The following ALK variants were observed in gnomAD, a reference collection of about 807,000 sequenced individuals.
ALK encodes ALK tyrosine kinase receptor.
ALK carries 74 observed loss-of-function variants against 163.1 expected under a neutral mutation model. The ratio of observed to expected loss-of-function variants is 0.45; its 90% CI spans 0.38 to 0.55. ALK has a LOEUF of 0.55. ALK is among the 20% of genes least tolerant of loss of function. ALK has a pLI of 0.00. For synonymous variants in ALK, 960 were observed against 843.2 expected (o/e 1.14, Z -2.40); for missense variants, 2,063 against 2,105.3 (o/e 0.98, Z 0.39).
At chr2:29,702,752 A>G (rs1486521831) in intron 2 of ALK, among the ~76,000 whole-genome samples, 1 of 152,242 alleles carries the variant, frequency 6.6e-6, no homozygotes. Flanking sequence ...GCAGCAGGCA[A>G]GAGTGTGTGT....
chr2:29,580,367 G>A (rs1199145234), intron 3 of ALK, among the ~76,000 whole-genome samples: 1 of 152,026 alleles, frequency 6.6e-6, no homozygotes, highest in Admixed American at 6.6e-5. Context: ...CACTCGCTTC[G>A]GTGTCCTCTC....
At chr2:29,550,103 C>T (rs1673676205) in intron 3 of ALK, among the ~76,000 whole-genome samples, 1 of 152,160 alleles carries the variant, frequency 6.6e-6, no homozygotes, top group Non-Finnish European at 1.5e-5. Context: ...AGCAAGTAAA[C>T]TAGTGTATGA....
chr2:29,462,207 G>T (rs902428799), intron 4 of ALK, among the ~76,000 whole-genome samples: 2 of 152,176 alleles, frequency 1.3e-5, no homozygotes, highest in African/African-American at 4.8e-5. Flanking sequence ...TGAAGATATT[G>T]TTAACATTGT....
intron 15 of ALK, among the ~76,000 whole-genome samples, chr2:29,229,438 C>A (rs891266617): frequency 6.6e-6 from 1 of 152,184 alleles, no homozygotes; most frequent in Non-Finnish European, 1.5e-5. Flanking sequence ...CAGCCAAGCC[C>A]CGTAGCACTG....
At chr2:29,583,955 C>T (rs1674798414) in intron 3 of ALK, among the ~76,000 whole-genome samples, 1 of 151,842 alleles carries the variant, frequency 6.6e-6, no homozygotes, top group Admixed American at 6.6e-5. Flanking sequence ...TCCAGCTCTG[C>T]ATCTTGAACA....
intron 1 of ALK, among the ~76,000 whole-genome samples, chr2:29,796,374 G>A (rs1305317981): frequency 6.6e-6 from 1 of 152,072 alleles, no homozygotes; most frequent in East Asian, 1.9e-4. Context: ...GAACTGATAA[G>A]CCAATATTAA....
intron 5 of ALK, among the ~76,000 whole-genome samples, chr2:29,356,304 G>C (rs1404832727): frequency 1.3e-5 from 2 of 151,936 alleles, no homozygotes; most frequent in East Asian, 3.9e-4. Flanking sequence ...CTTCTTTTTT[G>C]CAGATGAGGA....
chr2:29,532,664 A>G (rs1373295750), intron 3 of ALK, among the ~76,000 whole-genome samples: 1 of 152,228 alleles, frequency 6.6e-6, no homozygotes, highest in East Asian at 1.9e-4. Flanking sequence ...TGCCCATGGC[A>G]GAGTTTCCCT....
At chr2:29,471,930 A>T (rs2148111677) in intron 4 of ALK, among the ~76,000 whole-genome samples, 1 of 152,192 alleles carries the variant, frequency 6.6e-6, no homozygotes, top group Non-Finnish European at 1.5e-5. Flanking sequence ...TTTAGTAGAG[A>T]TGGGGTTTTA....
chr2:29,285,636 C>G (rs964331040), intron 9 of ALK, among the ~76,000 whole-genome samples: 6 of 151,196 alleles, frequency 4.0e-5, no homozygotes, highest in Admixed American at 6.6e-5. Flanking sequence ...GATTTCAGCT[C>G]CCTGCAATCT....
chr2:29,332,156 C>T (rs922541138), intron 5 of ALK, among the ~76,000 whole-genome samples: 12 of 151,476 alleles, frequency 7.9e-5, no homozygotes, highest in African/African-American at 2.2e-4. Context: ...TGTGATGGCA[C>T]GTGCCTGTAG....
intron 1 of ALK, among the ~76,000 whole-genome samples, chr2:29,767,131 G>A (rs930687533): frequency 6.6e-6 from 1 of 152,196 alleles, no homozygotes; most frequent in African/African-American, 2.4e-5. Context: ...CAGGCACTGT[G>A]ATCAGGAGTT....
chr2:29,595,395 A>G (rs1675183144), intron 3 of ALK, among the ~76,000 whole-genome samples: 1 of 144,508 alleles, frequency 6.9e-6, no homozygotes, highest in Non-Finnish European at 1.5e-5. Flanking sequence ...ATCTCGGCTC[A>G]CTGCAAGCTC....
At chr2:29,803,829 A>G (rs1664543930) in intron 1 of ALK, among the ~76,000 whole-genome samples, 1 of 152,154 alleles carries the variant, frequency 6.6e-6, no homozygotes, top group African/African-American at 2.4e-5. Flanking sequence ...ATGCCTCATA[A>G]AAGACGCTGT....
intron 2 of ALK, among the ~76,000 whole-genome samples, chr2:29,700,883 C>G (rs956542113): frequency 2.6e-5 from 4 of 152,162 alleles, no homozygotes; most frequent in Non-Finnish European, 5.9e-5. Context: ...TGACAAACCA[C>G]CTTGAACACT....
At chr2:29,471,301 T>C (rs1170916880) in intron 4 of ALK, among the ~76,000 whole-genome samples, 1 of 152,158 alleles carries the variant, frequency 6.6e-6, no homozygotes, top group African/African-American at 2.4e-5. Context: ...AAAGTTAGCA[T>C]AACTTTGATA....
At chr2:29,579,862 C>T (rs1674630129) in intron 3 of ALK, among the ~76,000 whole-genome samples, 1 of 152,144 alleles carries the variant, frequency 6.6e-6, no homozygotes, top group Non-Finnish European at 1.5e-5. Context: ...TTCTGCACCC[C>T]CCAGAACCCA....
intron 3 of ALK, among the ~76,000 whole-genome samples, chr2:29,556,518 C>G (rs1225773605): frequency 6.6e-5 from 10 of 152,182 alleles, no homozygotes; most frequent in South Asian, 2.1e-4. Flanking sequence ...AGAATCAATT[C>G]TCAAGGTTGT....
chr2:29,287,243 C>T (rs540222754), intron 9 of ALK, among the ~76,000 whole-genome samples: 8 of 152,148 alleles, frequency 5.3e-5, no homozygotes, highest in South Asian at 2.1e-4. Flanking sequence ...GGAAATACGA[C>T]GAAAGCACAT....
Sources: gnomAD v4.1 joint callset for allele counts (sites outside exome capture counted in the v4.1 genomes callset) on GRCh38, gnomAD v4.1.1 for gene constraint, MANE v1.5 for transcripts, NCBI Gene and HGNC (gene_info 2026-07-23, HGNC 2026-07-21) for gene names.